The following RFX3 variants were observed in gnomAD, a reference collection of about 807,000 sequenced individuals.
The protein encoded by RFX3 is regulatory factor X3.
RFX3 carries 14 observed loss-of-function variants against 98.6 expected under a neutral mutation model. That is an observed-to-expected ratio of 0.14 (90% CI 0.09 to 0.22). The LOEUF (loss-of-function observed/expected upper bound fraction) is 0.22, where lower values mean the gene tolerates loss of function less well. RFX3 is among the 10% of genes least tolerant of loss of function. The pLI is 1.00. For missense variants in RFX3, 639 were observed against 926.9 expected, an observed-to-expected ratio of 0.69 and a Z score of 4.03; for synonymous variants, 383 against 328.4, an observed-to-expected ratio of 1.17 and a Z score of -1.80.
At chr9:3,513,070 G>C (rs193118760) in intron 1 of RFX3, among the ~76,000 whole-genome samples, 184 of 152,112 alleles carry the variant, frequency 1.2e-3, no homozygotes, top group Non-Finnish European at 2.0e-3. Context: ...GGAAATCTAA[G>C]TCATTTCGGG....
rs762200039 is a variant in RFX3 at position 3,288,241 on chromosome 9, G to A, written c.741C>T (p.Ser247=). The A allele has an allele frequency of 6.2e-7, 1 of 1,612,022 alleles. No homozygotes were observed. Among genetic ancestry groups the A allele is most frequent in the South Asian group, 1.1e-5 (1 of 91,000 alleles). ...CACGAATCCCATAGTAGTGGTATTT[G>A]GAGTTTCCTCTTCATTAATGAACAA... ...RTRRLGTRGN[S]KYHYYGIRVK... Residue 247 remains serine (S), a synonymous_variant, in exon 7 of 17, where the codon TCC becomes TCT. Transcript: ENST00000617270.
At chr9:3,366,702 CTT>C (rs1394914976) in intron 2 of RFX3, among the ~76,000 whole-genome samples, 2 of 76,302 alleles carry the variant, frequency 2.6e-5, no homozygotes, top group Non-Finnish European at 5.3e-5. Context: ...TCCTTTCTTT[CTT>C]TCTTTCTTTC....
At chr9:3,471,087 T>C (rs1237835515) in intron 1 of RFX3, among the ~76,000 whole-genome samples, 2 of 152,240 alleles carry the variant, frequency 1.3e-5, no homozygotes, top group African/African-American at 2.4e-5. Context: ...AGTACTGAAA[T>C]TCAAAAAGAT....
rs767009697 is a variant in RFX3, at chr9:3,344,797, C to T, written c.215+1870G>A. On this transcript the variant is annotated intron_variant, in intron 3 of 16. Transcript: ENST00000617270. ...AGAGCATAAAGGTCGAAGTGGCAGG[C>T]GTCTTTTTCATTTGGTATAAATGCC... The T allele has an allele frequency of 1.4e-5, 10 of 693,248 alleles. No homozygotes were observed. In the Admixed American group the frequency reaches 1.5e-4, roughly 11 times the overall value. 42.9% of individuals were successfully genotyped at this position (693,248 alleles called of 1,614,324 possible).
chr9:3,219,732 G>T lies in RFX3; in HGVS notation c.*5310C>A, dbSNP rs921943525. 8 of 152,122 alleles carry T rather than the reference G, an allele frequency of 5.3e-5. No homozygotes were observed. The highest frequency in any genetic ancestry group is 1.0e-4 in the Non-Finnish European group (7 of 67,996). The allele number at this position is 152,122 out of a possible 1,614,324, so 9.4% of individuals were successfully genotyped here. ...GTAAATCATCATGAAGAATTCAAAA[G>T]AAGAGAGTTAAATTAAAACCCTTTG... is the stretch of plus-strand genomic sequence containing the variant. On this transcript the variant is annotated 3_prime_UTR_variant, in exon 17 of 17. Transcript: ENST00000617270.
chr9:3,464,970 A>G (rs1848071510), intron 1 of RFX3, among the ~76,000 whole-genome samples: 2 of 152,168 alleles, frequency 1.3e-5, no homozygotes, highest in Non-Finnish European at 2.9e-5. Flanking sequence ...CACCCCTATG[A>G]CTTCTATGCC....
At chr9:3,239,606 C>T (rs551985321) in intron 15 of RFX3, among the ~76,000 whole-genome samples, 21 of 152,300 alleles carry the variant, frequency 1.4e-4, no homozygotes, top group Admixed American at 1.2e-3. Flanking sequence ...AGTGTGCAGG[C>T]GGTGAAGTGT....
intron 1 of RFX3, among the ~76,000 whole-genome samples, chr9:3,485,422 TAGTA>T (rs1850175596): frequency 6.6e-6 from 1 of 152,200 alleles, no homozygotes; most frequent in African/African-American, 2.4e-5. Context: ...AATATTGAAT[TAGTA>T]AGTGAGTGAA....
At chr9:3,504,879 T>TTATATATGATATAATATATATTATA (rs1816668373) in intron 1 of RFX3, among the ~76,000 whole-genome samples, 2 of 53,184 alleles carry the variant, frequency 3.8e-5, no homozygotes, top group Non-Finnish European at 6.0e-5. Context: ...ATTATATATA[T>TTATATATGATATAATATATATTATA]TATATATAAT....
chr9:3,449,761 G>C (rs539766655), intron 1 of RFX3, among the ~76,000 whole-genome samples: 1 of 151,928 alleles, frequency 6.6e-6, no homozygotes, highest in Non-Finnish European at 1.5e-5. Context: ...GCTGAGGCAG[G>C]AGGATCGTTT....
At chr9:3,299,637 T>C (rs947917817) in intron 5 of RFX3, among the ~76,000 whole-genome samples, 4 of 149,446 alleles carry the variant, frequency 2.7e-5, no homozygotes, top group Non-Finnish European at 4.4e-5. Context: ...AGACATATTA[T>C]GTAATAAAAA....
intron 1 of RFX3, among the ~76,000 whole-genome samples, 173 bp from the exon 2 acceptor site, chr9:3,395,769 T>C (rs1486118308): frequency 3.3e-5 from 5 of 152,230 alleles, no homozygotes; most frequent in South Asian, 2.1e-4. Context: ...GACCACTTTA[T>C]AAATAATTAC....
At chr9:3,249,229 T>C (rs12000781) in intron 14 of RFX3, among the ~76,000 whole-genome samples, 13 of 152,116 alleles carry the variant, frequency 8.5e-5, no homozygotes, top group African/African-American at 2.9e-4. Flanking sequence ...TGTACTTTTG[T>C]TTTCTGTTTC....
intron 2 of RFX3, among the ~76,000 whole-genome samples, chr9:3,373,960 C>G (rs567854270): frequency 9.2e-5 from 14 of 152,050 alleles, no homozygotes; most frequent in Non-Finnish European, 1.8e-4. Flanking sequence ...CGCCTGTAGT[C>G]CCAGCTACTC....
intron 14 of RFX3, among the ~76,000 whole-genome samples, chr9:3,254,486 A>G (rs1336139163): frequency 6.6e-6 from 1 of 152,260 alleles, no homozygotes; most frequent in East Asian, 1.9e-4. Flanking sequence ...GTTATCTGGG[A>G]AAAAACTTGA....
At chr9:3,443,595 C>T in intron 1 of RFX3, among the ~76,000 whole-genome samples, 1 of 152,124 alleles carries the variant, frequency 6.6e-6, no homozygotes, top group Non-Finnish European at 1.5e-5. Context: ...TTTCTTTATC[C>T]AGTCTATCAT....
intron 1 of RFX3, among the ~76,000 whole-genome samples, chr9:3,502,205 G>GC (rs1816104949): frequency 6.6e-6 from 1 of 151,104 alleles, no homozygotes; most frequent in Non-Finnish European, 1.5e-5. Context: ...CTTGCAGTGA[G>GC]CCCACATCAC....
In RFX3 at chr9:3,402,271, T is replaced by C. The variant is rs543861119; in HGVS notation, c.-8-6675A>G. 3.3e-5 allele frequency among the ~76,000 whole-genome samples: 5 copies of C among 152,304 alleles called. No individual in the cohort carries two copies. In the East Asian group the frequency reaches 9.6e-4, roughly 29 times the overall value. On this transcript the variant is annotated intron_variant, in intron 1 of 16. Coordinates refer to ENST00000617270, the MANE Select transcript of RFX3 (RefSeq NM_001282116.2). ...CAAAGTTTGGTTCCACTACACTTAC[T>C]GTATTATTTTTAACACTGAGGAATG...
chr9:3,378,677 TTCCC>T (rs1183901010), intron 2 of RFX3, among the ~76,000 whole-genome samples: 4 of 151,010 alleles, frequency 2.6e-5, no homozygotes, highest in African/African-American at 9.7e-5. Context: ...CTGCTTCACC[TTCCC>T]AAGTAGCTAG....
Sources: gnomAD v4.1 joint callset for allele counts (sites outside exome capture counted in the v4.1 genomes callset) on GRCh38, gnomAD v4.1.1 for gene constraint, MANE v1.5 for transcripts, NCBI Gene and HGNC (gene_info 2026-07-23, HGNC 2026-07-21) for gene names.